GNG7: variants seen among roughly 807,000 people sequenced by gnomAD.
The protein encoded by GNG7 is guanine nucleotide-binding protein G(I)/G(S)/G(O) subunit gamma-7.
In GNG7, 1 loss-of-function variant was observed where a neutral mutation model predicts 4.0. The observed-to-expected ratio is 0.25, with a 90% CI of 0.09 to 1.18. The LOEUF is 1.18. Ranked by LOEUF, GNG7 falls within the 50% of genes most tolerant of loss-of-function variation. The pLI, the probability that GNG7 is intolerant of heterozygous loss-of-function variation, is 0.50. For synonymous variants in GNG7, 34 were observed against 36.9 expected, an observed-to-expected ratio of 0.92 and a Z score of 0.29; for missense variants, 86 against 91.9, an observed-to-expected ratio of 0.94 and a Z score of 0.26.
chr19:2,575,462 GACACGCAGGC>G (rs980235318), intron 2 of GNG7, among the ~76,000 whole-genome samples: 13 of 152,188 alleles, frequency 8.5e-5, no homozygotes, highest in African/African-American at 2.2e-4. Context: ...AGGGCGTGTG[GACACGCAGGC>G]ACACGCAGGC....
intron 2 of GNG7, among the ~76,000 whole-genome samples, chr19:2,581,049 G>A (rs1980487892): frequency 6.6e-6 from 1 of 152,114 alleles, no homozygotes. Flanking sequence ...ACAGGCGTGG[G>A]CCACTGCGCC....
At chr19:2,675,921 T>C (rs1459656699) in intron 1 of GNG7, among the ~76,000 whole-genome samples, 1 of 152,240 alleles carries the variant, frequency 6.6e-6, no homozygotes, top group Admixed American at 6.5e-5. Context: ...GGGACCTTAT[T>C]TGGAAACAGG....
rs1290762813 is a variant in GNG7 at position 2,619,648 on chromosome 19, T to C, written c.-78+26576A>G. Among the ~76,000 whole-genome samples, 3 of 152,232 alleles carry C rather than the reference T, an allele frequency of 2.0e-5. No individual in the cohort carries two copies. The East Asian group carries it at 5.8e-4, about 29-fold the overall frequency. ...GATGGACCTTGAGGACATCACACTC[T>C]ATGAAAGGAGCCAGAGACAGAGGGC... On this transcript the variant is annotated intron_variant, in intron 2 of 4. Coordinates refer to ENST00000382159, the MANE Select transcript of GNG7 (RefSeq NM_052847.3).
intron 2 of GNG7, among the ~76,000 whole-genome samples, chr19:2,587,338 C>T (rs557724641): frequency 3.9e-5 from 6 of 152,284 alleles, no homozygotes; most frequent in Admixed American, 3.9e-4. Flanking sequence ...TGCGTTGCTT[C>T]CTCTGCCGGG....
intron 3 of GNG7, among the ~76,000 whole-genome samples, chr19:2,549,791 G>A (rs964394177): frequency 6.6e-5 from 10 of 152,124 alleles, no homozygotes; most frequent in Non-Finnish European, 8.8e-5. Flanking sequence ...GGGTGAGGGC[G>A]GGGGTGACAG....
chr19:2,540,073 C>CCT (rs3049063), intron 3 of GNG7, among the ~76,000 whole-genome samples: 39,418 of 128,788 alleles, frequency 0.31, 6,521 homozygotes, highest in Non-Finnish European at 0.34. Flanking sequence ...CTCCTCCCTC[C>CCT]CTCTCTCTCT....
chr19:2,608,178 C>T lies in GNG7; in HGVS notation c.-78+38046G>A, dbSNP rs116808691. Among the ~76,000 whole-genome samples, 824 of 152,068 alleles carry T rather than the reference C, an allele frequency of 5.4e-3. 7 individuals are homozygous for T. Among genetic ancestry groups the T allele is most frequent in the African/African-American group, 0.019 (783 of 41,498 alleles). On this transcript the variant is annotated intron_variant, in intron 2 of 4. Coordinates refer to ENST00000382159, the MANE Select transcript of GNG7 (RefSeq NM_052847.3). Reference sequence around the variant, plus strand: ...CAGAGCGTGGCACGTCGGTTTCACACCTAAAAGTCAGAACGATTCACAGGT... The same window carrying T: ...CAGAGCGTGGCACGTCGGTTTCACATCTAAAAGTCAGAACGATTCACAGGT...
At chr19:2,685,175 G>T (rs1020987944) in intron 1 of GNG7, among the ~76,000 whole-genome samples, 20 of 151,904 alleles carry the variant, frequency 1.3e-4, no homozygotes, top group African/African-American at 4.4e-4. Flanking sequence ...GAGTGCCAGG[G>T]GCTGGGGAGG....
intron 2 of GNG7, among the ~76,000 whole-genome samples, chr19:2,582,949 G>A (rs113877419): frequency 6.2e-4 from 95 of 152,132 alleles, no homozygotes; most frequent in African/African-American, 2.1e-3. Flanking sequence ...GATTATAGGC[G>A]TGAGCCACTG....
chr19:2,641,880 G>C (rs945414254), intron 2 of GNG7: 1 of 152,002 alleles, frequency 6.6e-6, no homozygotes, highest in African/African-American at 2.4e-5. Flanking sequence ...AGCCAGGATG[G>C]TCTCAAACTC....
At chr19:2,526,752 T>G (rs67829945) in intron 3 of GNG7, among the ~76,000 whole-genome samples, 10,451 of 150,236 alleles carry the variant, frequency 0.07, 531 homozygotes, top group East Asian at 0.21. Flanking sequence ...GATTTTATAT[T>G]TGTATTTATA....
chr19:2,680,041 G>A (rs958608086), intron 1 of GNG7, among the ~76,000 whole-genome samples: 10 of 152,052 alleles, frequency 6.6e-5, no homozygotes, highest in African/African-American at 2.2e-4. Context: ...AGCCAGGCAC[G>A]GCAGCTCACG....
In GNG7 at chr19:2,514,778, G is replaced by C. The variant is rs1972706607; in HGVS notation, c.*244C>G. ...CTCCATCCCTTTTGGCCCAAACTGA[G>C]AGGGCCATGGGGTCGGACCTGAAAA... On this transcript the variant is annotated 3_prime_UTR_variant, in exon 5 of 5. Transcript: ENST00000382159. 1 of 353,564 alleles carries C rather than the reference G, an allele frequency of 2.8e-6. No homozygotes were observed. The highest frequency in any genetic ancestry group is 4.3e-5 in the Admixed American group (1 of 22,992). 21.9% of individuals were successfully genotyped at this position (353,564 alleles called of 1,614,324 possible).
intron 3 of GNG7, among the ~76,000 whole-genome samples, chr19:2,553,501 C>A (rs1165601423): frequency 6.8e-6 from 1 of 146,474 alleles, no homozygotes; most frequent in Non-Finnish European, 1.5e-5. Context: ...TTTATATGTA[C>A]ATCTCATTAC....
chr19:2,565,610 G>C (rs1206325187), intron 2 of GNG7, among the ~76,000 whole-genome samples: 1 of 152,050 alleles, frequency 6.6e-6, no homozygotes. Flanking sequence ...CAGAAATTTA[G>C]GATTAGGAAC....
intron 2 of GNG7, among the ~76,000 whole-genome samples, chr19:2,584,204 A>G (rs1252432525): frequency 6.7e-6 from 1 of 148,412 alleles, no homozygotes; most frequent in Admixed American, 6.8e-5. Context: ...CCACTTCGGG[A>G]GGCTGAGGTG....
At chr19:2,630,059 A>G (rs912197663) in intron 2 of GNG7, among the ~76,000 whole-genome samples, 1 of 151,846 alleles carries the variant, frequency 6.6e-6, no homozygotes, top group Non-Finnish European at 1.5e-5. Context: ...ATTTAGGTGT[A>G]ACTGGGACAC....
intron 2 of GNG7, among the ~76,000 whole-genome samples, chr19:2,595,659 C>T (rs191874450): frequency 7.3e-5 from 11 of 149,968 alleles, no homozygotes; most frequent in South Asian, 2.1e-4. Context: ...GGCGTGAACC[C>T]GGGAGGCGGA....
chr19:2,517,675 T>C (rs1403039003), intron 4 of GNG7, among the ~76,000 whole-genome samples: 1 of 151,858 alleles, frequency 6.6e-6, no homozygotes, highest in Non-Finnish European at 1.5e-5. Context: ...TGGCCATAAT[T>C]TTTAGAATAA....
Sources: allele counts gnomAD v4.1 joint callset (sites outside exome capture counted in the v4.1 genomes callset), GRCh38; gene constraint gnomAD v4.1.1; transcripts MANE v1.5; gene names NCBI Gene and HGNC (gene_info 2026-07-23, HGNC 2026-07-21).